Variants in GRAMD1C observed in about 807,000 individuals in gnomAD.
The protein encoded by GRAMD1C is protein Aster-C.
GRAMD1C carries 89 observed loss-of-function variants against 97.8 expected under a neutral mutation model. That is an observed-to-expected ratio of 0.91 (90% CI 0.77 to 1.09). GRAMD1C has a LOEUF of 1.09. GRAMD1C is among the 50% of genes least tolerant of loss of function. The pLI, the probability that GRAMD1C is intolerant of heterozygous loss-of-function variation, is 0.00. For synonymous variants in GRAMD1C, 256 were observed against 267.0 expected, an observed-to-expected ratio of 0.96 and a Z score of 0.40; for missense variants, 740 against 766.4, an observed-to-expected ratio of 0.97 and a Z score of 0.41.
intron 1 of GRAMD1C, among the ~76,000 whole-genome samples, chr3:113,842,394 TTA>T (rs1404969101): frequency 6.6e-6 from 1 of 152,210 alleles, no homozygotes; most frequent in African/African-American, 2.4e-5. Context: ...ATCCTGTAAA[TTA>T]TTTTAAATTC....
At chr3:113,919,373 G>GTAAA in intron 10 of GRAMD1C, 1 of 501,502 alleles carries the variant, frequency 2.0e-6, no homozygotes, top group Non-Finnish European at 4.0e-6. Flanking sequence ...TTCAGGGAAG[G>GTAAA]TAAATGTAGC....
intron 10 of GRAMD1C, among the ~76,000 whole-genome samples, chr3:113,928,399 A>C (rs551584532): frequency 2.0e-5 from 3 of 152,346 alleles, no homozygotes; most frequent in African/African-American, 7.2e-5. Flanking sequence ...AAAGCTTCAG[A>C]AAAATTGCAT....
At chr3:113,907,841 G>A (rs1052983270) in intron 8 of GRAMD1C, among the ~76,000 whole-genome samples, 12 of 152,254 alleles carry the variant, frequency 7.9e-5, no homozygotes, top group African/African-American at 2.6e-4. Flanking sequence ...AAGAGGAGAC[G>A]TGTAAGTGTG....
At chr3:113,918,548 T>G (rs1936920635) in intron 10 of GRAMD1C, among the ~76,000 whole-genome samples, 1 of 152,244 alleles carries the variant, frequency 6.6e-6, no homozygotes, top group Non-Finnish European at 1.5e-5. Context: ...AGCAAAGGCT[T>G]CCAGCTACTT....
chr3:113,865,977 C>A (rs1430945), intron 2 of GRAMD1C, among the ~76,000 whole-genome samples: 3 of 151,770 alleles, frequency 2.0e-5, no homozygotes, highest in Non-Finnish European at 2.9e-5. Flanking sequence ...TTCAAATTTA[C>A]TGAAACTTGT....
At position 113,844,550 on chromosome 3, in the gene GRAMD1C, T is replaced by G. The variant is rs548225853; in HGVS notation, c.75T>G (p.Asp25Glu). Residue 25 changes from aspartate (D) to glutamate (E), a missense_variant, in exon 2 of 18, where the codon GAT becomes GAG. Coordinates refer to ENST00000358160, the MANE Select transcript of GRAMD1C (RefSeq NM_017577.5). ...GCCTTGCCACCGACTTACAGGAAGA[T>G]GTAGAGGAAAATCCTAGTCCAACTG... is the stretch of plus-strand genomic sequence containing the variant. The part of the protein sequence containing the change: ...DSSLATDLQE[D>E]VEENPSPTVE... 6.2e-7 allele frequency: 1 copy of G among 1,605,664 alleles called. No homozygotes were observed. Among genetic ancestry groups the G allele is most frequent in the African/African-American group, 1.3e-5 (1 of 74,812 alleles).
intron 6 of GRAMD1C, chr3:113,897,591 A>G (rs1452057653): frequency 1.2e-5 from 12 of 981,838 alleles, no homozygotes; most frequent in African/African-American, 1.7e-5. Context: ...AGCTTCTCAT[A>G]GCAAAACTGA....
chr3:113,849,926 A>AC (rs570943730), intron 2 of GRAMD1C, among the ~76,000 whole-genome samples: 40,853 of 137,878 alleles, frequency 0.3, 6,547 homozygotes, highest in Admixed American at 0.37. Flanking sequence ...GGGGGGGCTG[A>AC]CCCCCCCACC....
At chr3:113,850,888 G>A (rs1025707505) in intron 2 of GRAMD1C, among the ~76,000 whole-genome samples, 4 of 522 alleles carry the variant, frequency 7.7e-3, no homozygotes, top group East Asian at 0.5. Flanking sequence ...TGCAAACTCC[G>A]CTTCCCCGGG....
chr3:113,938,055 T>G, intron 14 of GRAMD1C, 31 bp from the exon 15 acceptor site: 1 of 1,240,478 alleles, frequency 8.1e-7, no homozygotes, highest in Non-Finnish European at 1.1e-6. Flanking sequence ...CAATTCTCAT[T>G]CTAATGCAGC....
At chr3:113,882,368 T>C (rs1935301636) in intron 5 of GRAMD1C, among the ~76,000 whole-genome samples, 1 of 152,188 alleles carries the variant, frequency 6.6e-6, no homozygotes, top group Non-Finnish European at 1.5e-5. Context: ...TGTGTATACT[T>C]GGCTCAAGTG....
chr3:113,834,474 C>G (rs1709606068), upstream of GRAMD1C, among the ~76,000 whole-genome samples: 1 of 152,128 alleles, frequency 6.6e-6, no homozygotes, highest in Non-Finnish European at 1.5e-5. Flanking sequence ...CCACCGCACC[C>G]AGCCTCTACA....
At chr3:113,879,444 G>A (rs1411718583) in intron 5 of GRAMD1C, among the ~76,000 whole-genome samples, 2 of 151,962 alleles carry the variant, frequency 1.3e-5, no homozygotes, top group Non-Finnish European at 2.9e-5. Context: ...ACCTGCTCTG[G>A]TTCTGACATG....
intron 5 of GRAMD1C, among the ~76,000 whole-genome samples, chr3:113,876,832 G>A (rs2107386938): frequency 6.8e-6 from 1 of 147,040 alleles, no homozygotes; most frequent in South Asian, 2.2e-4. Context: ...AATAAAGAAG[G>A]AGAGGAAGGA....
At chr3:113,849,455 T>C (rs1267592931) in intron 2 of GRAMD1C, among the ~76,000 whole-genome samples, 1 of 151,824 alleles carries the variant, frequency 6.6e-6, no homozygotes, top group African/African-American at 2.4e-5. Context: ...TCCGCAGTGT[T>C]TGTGTCCCTG....
At chr3:113,915,933 G>C in intron 10 of GRAMD1C, 95 bp downstream of exon 10, 1 of 948,124 alleles carries the variant, frequency 1.1e-6, no homozygotes, top group Non-Finnish European at 1.6e-6. Context: ...GTTGTGAGGA[G>C]GAAGAATTAG....
chr3:113,938,276 A>C (rs1179461642), intron 15 of GRAMD1C, 133 bp downstream of exon 15: 1 of 443,584 alleles, frequency 2.3e-6, no homozygotes, highest in Non-Finnish European at 3.9e-6. Context: ...GGCCTACAAA[A>C]ATAGCAATTT....
At position 113,849,076 on chromosome 3, in the gene GRAMD1C, A is replaced by C. The variant is rs563467752; in HGVS notation, c.174+4427A>C. Among the ~76,000 whole-genome samples, 3 of 152,210 alleles carry C rather than the reference A, an allele frequency of 2.0e-5. 1 individual carries two copies. The South Asian group carries it at 6.2e-4, about 31-fold the overall frequency. ...TATATTCCATGTGGATTAAGATCCCAGAGGCAAGGCAGACAAAGATCTGCA... is the reference window on the plus strand; with the variant it reads ...TATATTCCATGTGGATTAAGATCCCCGAGGCAAGGCAGACAAAGATCTGCA... On this transcript the variant is annotated intron_variant, in intron 2 of 17. Coordinates refer to ENST00000358160, the MANE Select transcript of GRAMD1C (RefSeq NM_017577.5).
chr3:113,885,671 C>A, intron 6 of GRAMD1C: 1 of 1,517,718 alleles, frequency 6.6e-7, no homozygotes, highest in South Asian at 1.1e-5. Flanking sequence ...GCCAGTGGTA[C>A]GAGCTGGTGG....
Sources: gnomAD v4.1 joint callset for allele counts (sites outside exome capture counted in the v4.1 genomes callset) on GRCh38, gnomAD v4.1.1 for gene constraint, MANE v1.5 for transcripts, NCBI Gene and HGNC (gene_info 2026-07-23, HGNC 2026-07-21) for gene names.